DSCAM: variants seen among roughly 807,000 people sequenced by gnomAD.
DSCAM encodes DS cell adhesion molecule.
A neutral mutation model predicts 217.7 loss-of-function variants in DSCAM; 47 were observed. The observed-to-expected ratio is 0.22, with a 90% CI of 0.17 to 0.28. The LOEUF is 0.28. Ranked by LOEUF, DSCAM falls within the 10% of genes least tolerant of loss-of-function variation. The probability of loss-of-function intolerance (pLI) is 1.00; values close to 1 mark genes in which losing one functional copy is unlikely to be tolerated. For missense variants in DSCAM, 2,080 were observed against 2,618.3 expected (o/e 0.79, Z 4.49); for synonymous variants, 1,056 against 1,015.3 (o/e 1.04, Z -0.76).
At chr21:40,072,275 T>C (rs2089302041) in intron 27 of DSCAM, among the ~76,000 whole-genome samples, 1 of 152,116 alleles carries the variant, frequency 6.6e-6, no homozygotes, top group African/African-American at 2.4e-5. Context: ...GTGTCTACAT[T>C]AAAACTTGCC....
chr21:40,420,208 T>A (rs185732160), intron 3 of DSCAM, among the ~76,000 whole-genome samples: 1 of 149,348 alleles, frequency 6.7e-6, no homozygotes, highest in Admixed American at 6.9e-5. Flanking sequence ...AGAAATTATA[T>A]ATAAACAATG....
At chr21:40,641,107 C>T (rs1039367757) in intron 3 of DSCAM, among the ~76,000 whole-genome samples, 3 of 152,170 alleles carry the variant, frequency 2.0e-5, no homozygotes, top group African/African-American at 7.2e-5. Flanking sequence ...AACGATGCTG[C>T]ATGGAATTTT....
At chr21:40,175,817 A>ACG (rs2090722777) in intron 15 of DSCAM, among the ~76,000 whole-genome samples, 1 of 148,762 alleles carries the variant, frequency 6.7e-6, no homozygotes, top group African/African-American at 2.5e-5. Flanking sequence ...ACGCACACAC[A>ACG]CACACACGCA....
Position 40,637,648 on chromosome 21 carries a change from T to TAC in DSCAM, c.508+55161_508+55162insGT, listed in dbSNP as rs1273383097. Among the ~76,000 whole-genome samples the TAC allele has an allele frequency of 4.4e-4, 18 of 40,882 alleles. 3 individuals are homozygous for TAC. Among genetic ancestry groups the TAC allele is most frequent in the African/African-American group, 1.2e-3 (10 of 8,300 alleles). 26.8% of individuals were successfully genotyped at this position (40,882 alleles called of 152,430 possible). A position where few individuals can be genotyped will look rare whatever the true frequency, so the allele number is the denominator to read the frequency against. On this transcript the variant is annotated intron_variant, in intron 3 of 32. Transcript: ENST00000400454. Reference sequence around the variant, plus strand: ...ACATATATAAATATATATAAATATATATCTATATATATATATATAAATTTT... The same window carrying TAC: ...ACATATATAAATATATATAAATATATACATCTATATATATATATATAAATTTT...
At chr21:40,142,801 G>A in intron 17 of DSCAM, 97 bp from the exon 18 acceptor site, 28 of 1,360,790 alleles carry the variant, frequency 2.1e-5, no homozygotes, top group Middle Eastern at 2.1e-4. Flanking sequence ...CAATATGCAA[G>A]CAAAAAATTG....
chr21:40,127,158 C>G (rs2090102889), intron 19 of DSCAM, among the ~76,000 whole-genome samples: 1 of 152,094 alleles, frequency 6.6e-6, no homozygotes, highest in Non-Finnish European at 1.5e-5. Flanking sequence ...TCATGTAAAT[C>G]ATTTATTTAT....
intron 1 of DSCAM, among the ~76,000 whole-genome samples, chr21:40,780,380 C>G (rs963084005): frequency 7.4e-6 from 1 of 135,102 alleles, no homozygotes; most frequent in Non-Finnish European, 1.6e-5. Context: ...TTGTGCCTCA[C>G]CTATTTCCAA....
chr21:40,649,705 C>T (rs761262357), intron 3 of DSCAM, among the ~76,000 whole-genome samples: 16 of 152,076 alleles, frequency 1.1e-4, no homozygotes, highest in Non-Finnish European at 1.9e-4. Context: ...GAGTGTGCCA[C>T]AGTGAGGTCA....
intron 3 of DSCAM, among the ~76,000 whole-genome samples, chr21:40,650,935 A>C (rs1300717311): frequency 7.9e-5 from 12 of 152,124 alleles, no homozygotes; most frequent in Non-Finnish European, 4.4e-5. Flanking sequence ...GAAGAGGGGA[A>C]AGGTGGAGCC....
chr21:40,514,135 A>T (rs1411115330), intron 3 of DSCAM, among the ~76,000 whole-genome samples: 2 of 152,188 alleles, frequency 1.3e-5, no homozygotes, highest in Non-Finnish European at 1.5e-5. Flanking sequence ...CAACCTCCCA[A>T]AACAATTTAA....
At chr21:40,397,637 C>T (rs1327245022) in intron 3 of DSCAM, among the ~76,000 whole-genome samples, 2 of 152,200 alleles carry the variant, frequency 1.3e-5, no homozygotes, top group Middle Eastern at 3.4e-3. Context: ...ATTCATGTGG[C>T]GAGCAGTAGG....
chr21:40,784,571 C>T (rs529293810), intron 1 of DSCAM, among the ~76,000 whole-genome samples: 132 of 152,268 alleles, frequency 8.7e-4, no homozygotes, highest in Non-Finnish European at 1.6e-3. Context: ...TTGCAATGGG[C>T]CGAATATCTG....
At chr21:40,576,384 C>A (rs1441268323) in intron 3 of DSCAM, among the ~76,000 whole-genome samples, 1 of 152,266 alleles carries the variant, frequency 6.6e-6, no homozygotes. Flanking sequence ...GAAAGGATTG[C>A]ATCTGGGTTG....
At position 40,791,547 on chromosome 21, in the gene DSCAM, C is replaced by A. The variant is rs866694435; in HGVS notation, c.43+55072G>T. On this transcript the variant is annotated intron_variant, in intron 1 of 32. Transcript: ENST00000400454. ...GCGGGCGCCTGTAGTCCCAGCTACT[C>A]GGGAGGCTGAGGCGGGAATGGCGTG... Among the ~76,000 whole-genome samples the A allele has an allele frequency of 2.6e-5, 4 of 151,628 alleles. No individual in the cohort carries two copies. The East Asian group carries it at 7.8e-4, about 29-fold the overall frequency.
intron 3 of DSCAM, among the ~76,000 whole-genome samples, chr21:40,472,161 C>T (rs529403555): frequency 6.6e-6 from 1 of 152,346 alleles, no homozygotes; most frequent in Non-Finnish European, 1.5e-5. Flanking sequence ...CCTCCCAACC[C>T]TCCTCTCTTT....
rs984683536 is a variant in DSCAM, at chr21:40,144,161, A to T, written c.3259+330T>A. Among the ~76,000 whole-genome samples the T allele has an allele frequency of 4.6e-5, 7 of 152,368 alleles. No homozygotes were observed. Among genetic ancestry groups the T allele is most frequent in the Middle Eastern group, 3.4e-3 (1 of 294 alleles). On this transcript the variant is annotated intron_variant, in intron 17 of 32. Transcript: ENST00000400454. The surrounding 1 kb of genome is among the most constrained non-coding windows in gnomAD (Gnocchi z 4.8). ...TTTGGGAGAAAGTTTTTTAGCAAAT[A>T]GCATTTCTGCATTCTCGTGAGACTT...
At chr21:40,668,564 CACCTGGGAGCTCATT>C (rs2090230902) in intron 3 of DSCAM, among the ~76,000 whole-genome samples, 1 of 152,174 alleles carries the variant, frequency 6.6e-6, no homozygotes, top group Admixed American at 6.5e-5. Flanking sequence ...GATTCAGCAA[CACCTGGGAGCTCATT>C]AGAAATGCAG....
chr21:40,665,782 G>C (rs1178673167), intron 3 of DSCAM, among the ~76,000 whole-genome samples: 1 of 152,198 alleles, frequency 6.6e-6, no homozygotes, highest in Non-Finnish European at 1.5e-5. Flanking sequence ...CACTTTGAAT[G>C]AATCAGTGAA....
At chr21:40,043,467 C>T (rs1014604227) in intron 31 of DSCAM, among the ~76,000 whole-genome samples, 7 of 152,152 alleles carry the variant, frequency 4.6e-5, no homozygotes, top group Admixed American at 4.6e-4. Flanking sequence ...TTAAAATTTC[C>T]TACAGCTATT....
Sources: gnomAD v4.1 joint callset for allele counts (sites outside exome capture counted in the v4.1 genomes callset) on GRCh38, gnomAD v4.1.1 for gene constraint, Gnocchi (gnomAD v3.1) non-coding constraint, MANE v1.5 for transcripts, NCBI Gene and HGNC (gene_info 2026-07-23, HGNC 2026-07-21) for gene names.